Variants in CFAP61 observed in about 807,000 individuals in gnomAD.
The protein encoded by CFAP61 is cilia- and flagella-associated protein 61.
A neutral mutation model predicts 135.6 loss-of-function variants in CFAP61; 107 were observed. The ratio of observed to expected loss-of-function variants is 0.79; its 90% CI spans 0.67 to 0.93. The LOEUF is 0.93. Among genes scored for constraint, CFAP61 ranks in the 40% least tolerant of loss-of-function variants. CFAP61 has a pLI of 0.00. For synonymous variants in CFAP61, 575 were observed against 578.5 expected, an observed-to-expected ratio of 0.99 and a Z score of 0.09; for missense variants, 1,507 against 1,556.2, an observed-to-expected ratio of 0.97 and a Z score of 0.53.
At chr20:20,334,051 G>T (rs942302605) in intron 25 of CFAP61, among the ~76,000 whole-genome samples, 1 of 152,216 alleles carries the variant, frequency 6.6e-6, no homozygotes, top group Non-Finnish European at 1.5e-5. Flanking sequence ...GCCTTGCAAA[G>T]CAGTGCCTCC....
At chr20:20,242,048 T>C (rs909157744) in intron 18 of CFAP61, among the ~76,000 whole-genome samples, 1 of 152,214 alleles carries the variant, frequency 6.6e-6, no homozygotes, top group Non-Finnish European at 1.5e-5. Flanking sequence ...ATTGAGCTAT[T>C]TTTAAATGTC....
intron 8 of CFAP61, among the ~76,000 whole-genome samples, chr20:20,122,151 G>T (rs557180150): frequency 6.8e-5 from 10 of 148,034 alleles, no homozygotes; most frequent in South Asian, 2.2e-4. Flanking sequence ...ATTCTTTTTT[G>T]TTGTTGTTGT....
intron 1 of CFAP61, chr20:20,055,919 A>G (rs760619217): frequency 6.5e-7 from 1 of 1,528,360 alleles, no homozygotes; most frequent in Non-Finnish European, 9.1e-7. Flanking sequence ...AGACAATGAG[A>G]GAGAAATTGA....
chr20:20,320,351 TATATA>T (rs1429219134), intron 25 of CFAP61, among the ~76,000 whole-genome samples: 1 of 69,594 alleles, frequency 1.4e-5, no homozygotes, highest in Non-Finnish European at 2.7e-5. Flanking sequence ...ATATGTAATA[TATATA>T]ATATATGTAA....
chr20:20,280,755 A>G (rs1038974030), intron 22 of CFAP61, among the ~76,000 whole-genome samples: 1 of 152,186 alleles, frequency 6.6e-6, no homozygotes, highest in Non-Finnish European at 1.5e-5. Context: ...TGTCTAAGTC[A>G]TATGGTAGGT....
At chr20:20,067,984 A>G (rs2045424993) in intron 2 of CFAP61, among the ~76,000 whole-genome samples, 1 of 152,030 alleles carries the variant, frequency 6.6e-6, no homozygotes, top group Admixed American at 6.6e-5. Context: ...TCCCATTGAA[A>G]CAAAGTAATT....
chr20:20,332,512 G>T (rs1420049709), intron 25 of CFAP61, among the ~76,000 whole-genome samples: 1 of 152,130 alleles, frequency 6.6e-6, no homozygotes, highest in East Asian at 1.9e-4. Flanking sequence ...AAACAGCAAA[G>T]AAATAACTCC....
chr20:20,073,093 C>T (rs1265211849), intron 3 of CFAP61, among the ~76,000 whole-genome samples: 1 of 152,144 alleles, frequency 6.6e-6, no homozygotes, highest in South Asian at 2.1e-4. Flanking sequence ...AAGAATAAAT[C>T]TTGCATTGTA....
At chr20:20,220,254 TA>T (rs2048311649) in intron 17 of CFAP61, 1 of 152,210 alleles carries the variant, frequency 6.6e-6, no homozygotes, top group South Asian at 2.1e-4. Flanking sequence ...TTCTGGGTGG[TA>T]AACACTGGAG....
chr20:20,246,746 A>T (rs8124529), intron 19 of CFAP61, among the ~76,000 whole-genome samples: 13,170 of 152,274 alleles, frequency 0.086, 619 homozygotes, highest in Middle Eastern at 0.15. Context: ...AATTTCCTGT[A>T]GCAAAACATG....
rs145079188 is a variant in CFAP61, at chr20:20,052,554, C to T, written c.-74C>T. On this transcript the variant is annotated 5_prime_UTR_variant, in exon 1 of 27. Transcript: ENST00000245957. ...ACCAGGCTGCGCGTCCTCCTTGCGG[C>T]AGCGCGTGGAGTGCGGCGTCCTGGA... 1.9e-3 allele frequency: 3,086 copies of T among 1,614,168 alleles called. 10 individuals are homozygous for T. Among genetic ancestry groups the T allele is most frequent in the Admixed American group, 2.3e-3 (137 of 60,030 alleles).
At chr20:20,146,169 A>G (rs2051863775) in intron 9 of CFAP61, among the ~76,000 whole-genome samples, 1 of 151,864 alleles carries the variant, frequency 6.6e-6, no homozygotes, top group African/African-American at 2.4e-5. Context: ...GTAGATTCAC[A>G]GATAGACATG....
intron 8 of CFAP61, among the ~76,000 whole-genome samples, chr20:20,123,977 T>TG (rs1038407413): frequency 3.4e-5 from 5 of 146,802 alleles, no homozygotes; most frequent in Non-Finnish European, 6.0e-5. Context: ...CTAAGTTTTT[T>TG]TTTTTTTTTT....
chr20:20,067,187 A>T (rs1201795421), intron 2 of CFAP61, among the ~76,000 whole-genome samples: 1 of 151,770 alleles, frequency 6.6e-6, no homozygotes, highest in Non-Finnish European at 1.5e-5. Context: ...AAGAGCTCTG[A>T]TTTGGTGTGA....
chr20:20,303,736 A>C (rs917946055), intron 25 of CFAP61, among the ~76,000 whole-genome samples: 1 of 152,140 alleles, frequency 6.6e-6, no homozygotes, highest in Non-Finnish European at 1.5e-5. Flanking sequence ...CGTTCAGACC[A>C]GGCACGTTTC....
At chr20:20,174,996 C>T (rs1601174936) in intron 13 of CFAP61, among the ~76,000 whole-genome samples, 1 of 152,184 alleles carries the variant, frequency 6.6e-6, no homozygotes, top group African/African-American at 2.4e-5. Context: ...GTCCCCTGCA[C>T]CTGCAAGTCA....
chr20:20,150,190 A>G lies in CFAP61; in HGVS notation c.951+7242A>G, dbSNP rs116261937. ...GCGCCCACCACCCCCCTACACTCCA[A>G]AGTGGCTTCAGTAAGCCCTGCTCAA... On this transcript the variant is annotated intron_variant, in intron 9 of 26. Transcript: ENST00000245957. 4.8e-3 allele frequency among the ~76,000 whole-genome samples: 732 copies of G among 152,120 alleles called. 4 individuals are homozygous for G. Among genetic ancestry groups the G allele is most frequent in the African/African-American group, 0.017 (698 of 41,490 alleles).
rs182033743 is a variant in CFAP61 at position 20,232,501 on chromosome 20, C to G, written c.2060+4125C>G. On this transcript the variant is annotated intron_variant, in intron 18 of 26. Transcript: ENST00000245957. Reference sequence around the variant, plus strand: ...GCGTGGACCAGCAGCATTGATATCACCTGTGAGTTCGTTAGAAATGCACAA... The same window carrying G: ...GCGTGGACCAGCAGCATTGATATCAGCTGTGAGTTCGTTAGAAATGCACAA... 2.2e-3 allele frequency among the ~76,000 whole-genome samples: 338 copies of G among 152,252 alleles called. 2 individuals are homozygous for G. The highest frequency in any genetic ancestry group is 8.0e-3 in the African/African-American group (331 of 41,542).
intron 17 of CFAP61, among the ~76,000 whole-genome samples, chr20:20,212,338 G>A (rs566320386): frequency 3.9e-5 from 6 of 152,146 alleles, no homozygotes; most frequent in South Asian, 2.1e-4. Context: ...CCAGGCATAC[G>A]TAAATACATA....
Sources: allele counts gnomAD v4.1 joint callset (sites outside exome capture counted in the v4.1 genomes callset), GRCh38; gene constraint gnomAD v4.1.1; transcripts MANE v1.5; gene names NCBI Gene and HGNC (gene_info 2026-07-23, HGNC 2026-07-21).